JAZF1: variants seen among roughly 807,000 people sequenced by gnomAD.
JAZF1 encodes the protein juxtaposed with another zinc finger protein 1.
In JAZF1, 8 loss-of-function variants were observed where a neutral mutation model predicts 26.4. The observed-to-expected ratio is 0.30, with a 90% CI of 0.18 to 0.55. The LOEUF is 0.55. Among genes scored for constraint, JAZF1 ranks in the 20% least tolerant of loss-of-function variants. JAZF1 has a pLI of 0.94. For synonymous variants in JAZF1, 126 were observed against 122.3 expected, an observed-to-expected ratio of 1.03 and a Z score of -0.20; for missense variants, 199 against 322.0, an observed-to-expected ratio of 0.62 and a Z score of 2.92.
chr7:28,030,568 A>G (rs1361782159), intron 1 of JAZF1, among the ~76,000 whole-genome samples: 2 of 152,170 alleles, frequency 1.3e-5, no homozygotes. Context: ...TTCCTTTTGG[A>G]AGACAGTTGC....
At chr7:28,106,764 TC>T (rs1490197245) in intron 1 of JAZF1, among the ~76,000 whole-genome samples, 1 of 152,146 alleles carries the variant, frequency 6.6e-6, no homozygotes, top group Non-Finnish European at 1.5e-5. Context: ...ATATAAATAC[TC>T]CTTTCAGCTG....
intron 1 of JAZF1, among the ~76,000 whole-genome samples, chr7:28,019,575 C>A (rs904619266): frequency 6.6e-6 from 1 of 152,040 alleles, no homozygotes; most frequent in Non-Finnish European, 1.5e-5. Flanking sequence ...GAAATGTTAC[C>A]ATCCTCTGAT....
At chr7:27,855,113 A>C (rs1783221953) in intron 3 of JAZF1, among the ~76,000 whole-genome samples, 2 of 151,934 alleles carry the variant, frequency 1.3e-5, no homozygotes, top group African/African-American at 4.8e-5. Flanking sequence ...CATTAAGTTG[A>C]TCTTCAATCC....
intron 2 of JAZF1, among the ~76,000 whole-genome samples, chr7:27,948,806 T>G (rs149593561): frequency 1.8e-4 from 28 of 152,326 alleles, no homozygotes; most frequent in African/African-American, 5.3e-4. Context: ...ATACCATACT[T>G]GAAGGTAGTG....
chr7:27,904,494 T>C (rs1363650363), intron 2 of JAZF1, among the ~76,000 whole-genome samples: 1 of 152,212 alleles, frequency 6.6e-6, no homozygotes, highest in African/African-American at 2.4e-5. Flanking sequence ...ATAAATGTAC[T>C]TTTCAGTAGA....
intron 2 of JAZF1, among the ~76,000 whole-genome samples, chr7:27,923,878 A>G (rs1270999848): frequency 6.6e-6 from 1 of 152,244 alleles, no homozygotes; most frequent in Non-Finnish European, 1.5e-5. Flanking sequence ...CCCATCTGGC[A>G]GGGATGGGCT....
At position 28,053,596 on chromosome 7, in the gene JAZF1, A is replaced by G. The variant is rs77284131; in HGVS notation, c.116-61615T>C. Reference sequence around the variant, plus strand: ...TTCTACTATATAGCAAAAGAAAACAATAGATAAAACAGTATTTTCATACCT... The same window carrying G: ...TTCTACTATATAGCAAAAGAAAACAGTAGATAAAACAGTATTTTCATACCT... On this transcript the variant is annotated intron_variant, in intron 1 of 4. Transcript: ENST00000283928. Among the ~76,000 whole-genome samples, 793 of 152,372 alleles carry G rather than the reference A, an allele frequency of 5.2e-3. 4 individuals carry two copies. The highest frequency in any genetic ancestry group is 0.014 in the Middle Eastern group (4 of 294).
rs574907674 is a variant in JAZF1, at chr7:28,009,459, T to A, written c.116-17478A>T. On this transcript the variant is annotated intron_variant, in intron 1 of 4. Transcript: ENST00000283928. ...CACAAAACATTACTAAACTTCACCA[T>A]ATGTGATGTACCCTGATAATACCAT... Among the ~76,000 whole-genome samples the A allele has an allele frequency of 2.4e-4, 36 of 152,030 alleles. No homozygotes were observed. The South Asian group carries it at 7.3e-3, about 31-fold the overall frequency.
intron 1 of JAZF1, among the ~76,000 whole-genome samples, chr7:28,016,798 C>T (rs1192824514): frequency 6.6e-6 from 1 of 152,158 alleles, no homozygotes; most frequent in African/African-American, 2.4e-5. Context: ...TCTTTTGTAT[C>T]ATTCATTCTT....
At chr7:27,859,743 T>C (rs1335165186) in intron 3 of JAZF1, among the ~76,000 whole-genome samples, 3 of 152,068 alleles carry the variant, frequency 2.0e-5, no homozygotes, top group Non-Finnish European at 4.4e-5. Context: ...AGGGGAGGGA[T>C]AGCATTAGAA....
At chr7:27,880,281 C>T (rs530012654) in intron 3 of JAZF1, among the ~76,000 whole-genome samples, 1 of 152,258 alleles carries the variant, frequency 6.6e-6, no homozygotes, top group Non-Finnish European at 1.5e-5. Context: ...AAAAAAAATC[C>T]TTTTTGGAAT....
chr7:27,949,139 G>T (rs749797165), intron 2 of JAZF1, among the ~76,000 whole-genome samples: 3 of 152,168 alleles, frequency 2.0e-5, no homozygotes, highest in Non-Finnish European at 4.4e-5. Flanking sequence ...TAGTCACTCA[G>T]ATAAATTCTG....
Position 27,877,779 on chromosome 7 carries a change from G to A in JAZF1, c.385+17441C>T, listed in dbSNP as rs115286038. On this transcript the variant is annotated intron_variant, in intron 3 of 4. Coordinates refer to ENST00000283928, the MANE Select transcript of JAZF1 (RefSeq NM_175061.4). ...CAGATGATCTCACACTTACACAGACGTGGTTTTTTCACGTCTACGTTATTT... is the reference window on the plus strand; with the variant it reads ...CAGATGATCTCACACTTACACAGACATGGTTTTTTCACGTCTACGTTATTT... Among the ~76,000 whole-genome samples, 171 of 152,274 alleles carry A rather than the reference G, an allele frequency of 1.1e-3. 1 individual carries two copies. Among genetic ancestry groups the A allele is most frequent in the African/African-American group, 3.8e-3 (159 of 41,550 alleles).
chr7:28,054,367 A>C (rs1273838314), intron 1 of JAZF1, among the ~76,000 whole-genome samples: 1 of 152,192 alleles, frequency 6.6e-6, no homozygotes, highest in Non-Finnish European at 1.5e-5. Flanking sequence ...TGATACATGG[A>C]TATTCAACTA....
intron 1 of JAZF1, among the ~76,000 whole-genome samples, chr7:28,026,538 G>A (rs991996537): frequency 6.6e-6 from 1 of 152,106 alleles, no homozygotes; most frequent in African/African-American, 2.4e-5. Flanking sequence ...TGCTTCTAAC[G>A]TATGTACAAA....
intron 2 of JAZF1, among the ~76,000 whole-genome samples, chr7:27,941,442 T>A (rs1438107591): frequency 7.2e-5 from 11 of 152,238 alleles, no homozygotes; most frequent in Admixed American, 7.2e-4. Flanking sequence ...TGTGTGACCC[T>A]GACAGCTTGC....
chr7:28,139,342 G>GTTCT (rs1782929914), intron 1 of JAZF1, among the ~76,000 whole-genome samples: 2 of 152,212 alleles, frequency 1.3e-5, no homozygotes, highest in African/African-American at 4.8e-5. Context: ...ATCCACTGAA[G>GTTCT]TTCTAACCCC....
Position 28,180,562 on chromosome 7 carries a change from C to T in JAZF1, c.16G>A (p.Ala6Thr). ...CAGGTATTGGAGAAGAAGGAGGCGG[C>T]GGCGATGCCTGTCATGGTGCTACAT... MTGIAAASFFSNTCRF... is the reference protein window; with the variant it reads MTGIATASFFSNTCRF... The change falls in exon 1 of 5, where the codon GCC becomes ACC. Residue 6 changes from alanine (A) to threonine (T), a missense_variant. Ala to Thr is a moderately conservative substitution (Grantham distance 58). Around this residue, in one of 2 missense-constraint regions of JAZF1, gnomAD observed 137 missense variants for 184.8 expected, o/e 0.74. Transcript: ENST00000283928. The T allele has an allele frequency of 6.2e-7, 1 of 1,602,672 alleles. No homozygotes were observed. Among genetic ancestry groups the T allele is most frequent in the Non-Finnish European group, 8.5e-7 (1 of 1,173,858 alleles).
chr7:28,149,316 G>C (rs182187681), intron 1 of JAZF1, among the ~76,000 whole-genome samples: 1 of 152,242 alleles, frequency 6.6e-6, no homozygotes, highest in Admixed American at 6.5e-5. Flanking sequence ...ACTGGAAAAA[G>C]TGCCAAAGAA....
Sources: gnomAD v4.1 joint callset for allele counts (sites outside exome capture counted in the v4.1 genomes callset) on GRCh38, gnomAD v4.1.1 for gene constraint, gnomAD v4.1.1 regional missense constraint, MANE v1.5 for transcripts, NCBI Gene and HGNC (gene_info 2026-07-23, HGNC 2026-07-21) for gene names.